The following AGBL4 variants were observed in gnomAD, a reference collection of about 807,000 sequenced individuals.
AGBL4 encodes the protein AGBL carboxypeptidase 4.
A neutral mutation model predicts 66.4 loss-of-function variants in AGBL4; 58 were observed. The ratio of observed to expected loss-of-function variants is 0.87; its 90% CI spans 0.71 to 1.09. AGBL4 has a LOEUF of 1.09. AGBL4 is among the 50% of genes least tolerant of loss of function. The pLI is 0.00. For synonymous variants in AGBL4, 234 were observed against 222.9 expected (o/e 1.05, Z -0.44); for missense variants, 579 against 631.0 (o/e 0.92, Z 0.88).
chr1:49,880,137 G>A (rs955716227), intron 1 of AGBL4, among the ~76,000 whole-genome samples: 16 of 151,880 alleles, frequency 1.1e-4, no homozygotes, highest in Admixed American at 3.9e-4. Flanking sequence ...TAATTTGATC[G>A]TCTGAAGCCT....
intron 4 of AGBL4, among the ~76,000 whole-genome samples, chr1:49,151,129 C>T (rs1042345786): frequency 4.7e-4 from 71 of 151,550 alleles, no homozygotes; most frequent in African/African-American, 1.5e-3. Context: ...ATTAGCCGGG[C>T]GTGGCAGTGT....
rs765575451 is a variant in AGBL4 at position 49,053,318 on chromosome 1, A to AAT, written c.378-7519_378-7518insAT. Among the ~76,000 whole-genome samples, 12 of 152,280 alleles carry AAT rather than the reference A, an allele frequency of 7.9e-5. No homozygotes were observed. The East Asian group carries it at 2.1e-3, about 27-fold the overall frequency. ...CTTGACCTTTTGCAGACCCAAAGTA[A>AAT]CCAATATCCACCTTTCAAGGAATGT... On this transcript the variant is annotated intron_variant, in intron 4 of 13. Coordinates refer to ENST00000371839, the MANE Select transcript of AGBL4 (RefSeq NM_032785.4).
At chr1:48,615,576 A>C (rs1645305369) in intron 9 of AGBL4, among the ~76,000 whole-genome samples, 1 of 152,224 alleles carries the variant, frequency 6.6e-6, no homozygotes, top group Admixed American at 6.5e-5. Flanking sequence ...AAACCCAAGA[A>C]AGTAAAATTT....
chr1:48,803,001 C>A lies in AGBL4; in HGVS notation c.634+64190G>T, dbSNP rs571521491. On this transcript the variant is annotated intron_variant, in intron 6 of 13. Transcript: ENST00000371839. ...GAAGGCTCCAGACTCTCAGTACCAA[C>A]CCGGGACTATAGGTCCTTGAGTATC... Among the ~76,000 whole-genome samples the A allele has an allele frequency of 7.9e-5, 12 of 152,336 alleles. No individual in the cohort carries two copies. The South Asian group carries it at 1.9e-3, about 24-fold the overall frequency.
intron 3 of AGBL4, among the ~76,000 whole-genome samples, chr1:49,491,393 T>C (rs183752678): frequency 1.1e-3 from 161 of 151,888 alleles, no homozygotes; most frequent in Admixed American, 5.0e-3. Flanking sequence ...AAATAAGAGT[T>C]TGTTTTAAAA....
At chr1:49,420,527 C>T (rs936638163) in intron 3 of AGBL4, among the ~76,000 whole-genome samples, 1 of 151,866 alleles carries the variant, frequency 6.6e-6, no homozygotes, top group Non-Finnish European at 1.5e-5. Context: ...GGTGAAACCC[C>T]GACTCCACTA....
At chr1:49,187,247 C>T (rs2148198768) in intron 4 of AGBL4, 1 of 152,208 alleles carries the variant, frequency 6.6e-6, no homozygotes, top group South Asian at 2.1e-4. Context: ...GTCAGCACTG[C>T]ACTAGGATAC....
At chr1:49,489,901 A>AGCAT (rs1647152732) in intron 3 of AGBL4, among the ~76,000 whole-genome samples, 1 of 151,798 alleles carries the variant, frequency 6.6e-6, no homozygotes, top group Admixed American at 6.6e-5. Flanking sequence ...TTATGCCAGT[A>AGCAT]GCATGCTGTT....
chr1:48,762,834 T>C (rs529384976), intron 6 of AGBL4, among the ~76,000 whole-genome samples: 14 of 152,174 alleles, frequency 9.2e-5, no homozygotes, highest in Non-Finnish European at 1.0e-4. Flanking sequence ...TGGTCAGAGG[T>C]AGGAGTCTAG....
At chr1:49,730,108 C>T (rs1458284034) in intron 2 of AGBL4, among the ~76,000 whole-genome samples, 3 of 152,176 alleles carry the variant, frequency 2.0e-5, no homozygotes, top group African/African-American at 7.2e-5. Flanking sequence ...CTCAGCCACA[C>T]AGATGGCTTC....
At chr1:48,624,439 A>G (rs1460534910) in intron 9 of AGBL4, among the ~76,000 whole-genome samples, 1 of 152,188 alleles carries the variant, frequency 6.6e-6, no homozygotes, top group Non-Finnish European at 1.5e-5. Flanking sequence ...AAAAGACACA[A>G]TTTTTGTATT....
intron 3 of AGBL4, among the ~76,000 whole-genome samples, chr1:49,285,425 T>G (rs923413037): frequency 6.6e-6 from 1 of 151,418 alleles, no homozygotes; most frequent in Non-Finnish European, 1.5e-5. Context: ...GCAGGAAAGA[T>G]CCAAAATTGA....
intron 2 of AGBL4, chr1:49,845,932 C>A: frequency 3.4e-6 from 5 of 1,476,168 alleles, no homozygotes; most frequent in Non-Finnish European, 4.7e-6. Context: ...GCAATGACTG[C>A]AGCAAGGCAT....
At chr1:49,016,409 TA>T (rs1479062566) in intron 5 of AGBL4, among the ~76,000 whole-genome samples, 1 of 152,206 alleles carries the variant, frequency 6.6e-6, no homozygotes, top group South Asian at 2.1e-4. Flanking sequence ...GAAGGGCTCT[TA>T]AGATGTTTTT....
chr1:48,602,592 G>A (rs1349135050), intron 9 of AGBL4, among the ~76,000 whole-genome samples: 2 of 152,160 alleles, frequency 1.3e-5, no homozygotes, highest in Non-Finnish European at 2.9e-5. Flanking sequence ...TTTCCACTTG[G>A]CAGAGTGCAC....
chr1:48,652,054 C>T (rs1645939206), intron 8 of AGBL4, among the ~76,000 whole-genome samples: 1 of 152,056 alleles, frequency 6.6e-6, no homozygotes, highest in Non-Finnish European at 1.5e-5. Context: ...ATAACCAGGC[C>T]TGCTTGGTAC....
rs145319291 is a variant in AGBL4, at chr1:49,715,621, G to A, written c.158-18184C>T. Among the ~76,000 whole-genome samples, 314 of 151,972 alleles carry A rather than the reference G, an allele frequency of 2.1e-3. 3 individuals are homozygous for A. The highest frequency in any genetic ancestry group is 7.7e-3 in the South Asian group (37 of 4,808). ...CCTATCTCTCCACATCCTCTCCAGC[G>A]TCTGTTGTTTCCTTTTAATGATCAC... On this transcript the variant is annotated intron_variant, in intron 2 of 13. Coordinates refer to ENST00000371839, the MANE Select transcript of AGBL4 (RefSeq NM_032785.4).
intron 3 of AGBL4, among the ~76,000 whole-genome samples, chr1:49,421,884 T>C (rs1645553636): frequency 1.3e-5 from 2 of 152,172 alleles, no homozygotes; most frequent in Admixed American, 1.3e-4. Flanking sequence ...TAAGCACCGT[T>C]TGACGCCCAC....
chr1:50,003,666 A>G (rs1256080048), intron 1 of AGBL4, among the ~76,000 whole-genome samples: 1 of 152,212 alleles, frequency 6.6e-6, no homozygotes, highest in Non-Finnish European at 1.5e-5. Flanking sequence ...AAAAAGAGAA[A>G]GAGAGAACAA....
Sources: gnomAD v4.1 joint callset for allele counts (sites outside exome capture counted in the v4.1 genomes callset) on GRCh38, gnomAD v4.1.1 for gene constraint, MANE v1.5 for transcripts, NCBI Gene and HGNC (gene_info 2026-07-23, HGNC 2026-07-21) for gene names.